The following URB1 variants were observed in gnomAD, a reference collection of about 807,000 sequenced individuals.
The protein encoded by URB1 is URB1 ribosome biogenesis factor.
Under a neutral mutation model 242.3 loss-of-function variants are expected in URB1, and 197 were observed. That is an observed-to-expected ratio of 0.81 (90% CI 0.72 to 0.91). The LOEUF (loss-of-function observed/expected upper bound fraction) is 0.91. Among genes scored for constraint, URB1 ranks in the 40% least tolerant of loss-of-function variants. The pLI, the probability that URB1 is intolerant of heterozygous loss-of-function variation, is 0.00. For missense variants in URB1, 2,721 were observed against 2,860.5 expected (o/e 0.95, Z 1.11); for synonymous variants, 1,153 against 1,201.8 (o/e 0.96, Z 0.84).
Position 32,344,586 on chromosome 21 carries a change from C to T in URB1, c.4241G>A (p.Arg1414Lys), listed in dbSNP as rs1298071436. ...GACACTTACCAACAACGCATTTAAT[C>T]TAAGCAGCATTTCCTTCTCCTGATT... ...TQNQEKEMLL[R>K]LNALLHALNE... Residue 1414 changes from arginine to lysine, a missense_variant, in exon 24 of 39, where the codon AGA (arginine) becomes AAA (lysine). Physicochemically the swap from Arg to Lys is conservative, Grantham distance 26. Transcript: ENST00000382751. The T allele has an allele frequency of 1.3e-6, 2 of 1,552,162 alleles. No homozygotes were observed. Among genetic ancestry groups the T allele is most frequent in the Non-Finnish European group, 8.7e-7 (1 of 1,147,118 alleles).
chr21:32,377,314 A>T, intron 5 of URB1: 1 of 509,886 alleles, frequency 2.0e-6, no homozygotes, highest in Non-Finnish European at 3.9e-6. Context: ...CATAAATCCA[A>T]ACCCATGCAT....
intron 38 of URB1, 130 bp downstream of exon 38, chr21:32,316,336 C>A (rs2032684759): frequency 2.2e-6 from 3 of 1,385,438 alleles, no homozygotes; most frequent in African/African-American, 2.9e-5. Flanking sequence ...AAGGGGCCAC[C>A]TAAACAAGCA....
At chr21:32,383,659 C>A in intron 3 of URB1, 105 bp from the exon 4 acceptor site, 2 of 1,235,806 alleles carry the variant, frequency 1.6e-6, no homozygotes, top group Non-Finnish European at 1.0e-6. Flanking sequence ...TTGCTATCCC[C>A]AAACCAGAAA....
chr21:32,315,789 C>T (rs2032673094), intron 38 of URB1, among the ~76,000 whole-genome samples: 1 of 152,288 alleles, frequency 6.6e-6, no homozygotes, highest in South Asian at 2.1e-4. Flanking sequence ...AGGCTCAATT[C>T]CCCAACTGCG....
intron 8 of URB1, among the ~76,000 whole-genome samples, chr21:32,368,923 C>T (rs1014748586): frequency 1.3e-5 from 2 of 152,176 alleles, no homozygotes; most frequent in South Asian, 2.1e-4. Context: ...CTACCTCAGC[C>T]ACCTACCAGT....
rs948187052 is a variant in URB1, at chr21:32,345,333, C to T, written c.4070+41G>A. 1.4e-5 allele frequency: 21 copies of T among 1,534,298 alleles called. 1 individual carries two copies. The Admixed American group carries it at 2.8e-4, about 20-fold the overall frequency. ...TCTATGAATTAAAAAAAAAATGACA[C>T]CGAGAGTGGAACATCCTGCAACCAA... On this transcript the variant is annotated intron_variant, in intron 23 of 38. Coordinates refer to ENST00000382751, the MANE Select transcript of URB1 (RefSeq NM_014825.3).
chr21:32,337,700 T>A (rs1190983767), intron 26 of URB1, among the ~76,000 whole-genome samples, 186 bp from the exon 27 acceptor site: 3 of 151,786 alleles, frequency 2.0e-5, no homozygotes, highest in East Asian at 1.9e-4. Context: ...TTCTTTTCTT[T>A]TTTTCTTTTT....
chr21:32,347,534 G>T lies in URB1; in HGVS notation c.3290C>A (p.Ser1097Ter). The change falls in exon 22 of 39, where the codon TCA (serine) becomes TAA (stop). Residue 1097 changes from serine to a stop codon, truncating the protein, a stop_gained. Transcript: ENST00000382751. LOFTEE classifies it high-confidence loss of function. Reference sequence around the variant, plus strand: ...CAGCTGCGGCGGGGTCTTTGGTGGTGATGTGGCCGGGCCCGCCCTCCTGTT... The same window carrying T: ...CAGCTGCGGCGGGGTCTTTGGTGGTTATGTGGCCGGGCCCGCCCTCCTGTT... ...LQNRRAGPAT[S>*]PPKTPPQLEA... 2 of 1,551,346 alleles carry T rather than the reference G, an allele frequency of 1.3e-6. No homozygotes were observed. The highest frequency in any genetic ancestry group is 8.7e-7 in the Non-Finnish European group (1 of 1,146,814).
At chr21:32,342,546 G>A (rs2033041805) in intron 24 of URB1, among the ~76,000 whole-genome samples, 1 of 152,032 alleles carries the variant, frequency 6.6e-6, no homozygotes. Context: ...GCTATTCATA[G>A]GCGCAATCCC....
rs764017420 is a variant in URB1, at chr21:32,317,712, C to T, written c.5998G>A (p.Ala2000Thr). 8 of 1,551,808 alleles carry T rather than the reference C, an allele frequency of 5.2e-6. No homozygotes were observed. The highest frequency in any genetic ancestry group is 7.0e-6 in the Non-Finnish European group (8 of 1,147,026). ...CGGGCTTGGGCCTTCTCAATGGCTG[C>T]TCTCAGGTCTTCCTGGAGCTTGAGG... ...RDLKLQEDLR[A>T]AIEKAQAREL... The change falls in exon 37 of 39, where the codon GCA (alanine) becomes ACA (threonine). Residue 2000 changes from alanine to threonine, a missense_variant. Transcript: ENST00000382751.
intron 25 of URB1, 86 bp from the exon 26 acceptor site, chr21:32,338,986 AT>A: frequency 7.7e-7 from 1 of 1,292,456 alleles, no homozygotes; most frequent in Non-Finnish European, 1.0e-6. Context: ...TTTTCTCAGT[AT>A]TTTATTTATT....
At chr21:32,378,329 C>G in intron 5 of URB1, 116 bp downstream of exon 5, 1 of 883,778 alleles carries the variant, frequency 1.1e-6, no homozygotes, top group East Asian at 2.7e-5. Flanking sequence ...ATCCTTCAAT[C>G]TGGTGTACAC....
intron 1 of URB1, among the ~76,000 whole-genome samples, chr21:32,391,183 C>T (rs1234398833): frequency 7.2e-6 from 1 of 138,376 alleles, no homozygotes; most frequent in Non-Finnish European, 1.5e-5. Flanking sequence ...CACATGGACA[C>T]AGGAAGGGGA....
At chr21:32,330,095 T>C (rs2032875676) in intron 30 of URB1, among the ~76,000 whole-genome samples, 1 of 152,176 alleles carries the variant, frequency 6.6e-6, no homozygotes, top group South Asian at 2.1e-4. Context: ...TGTGCTTCCT[T>C]TCAGCAGTCA....
intron 30 of URB1, among the ~76,000 whole-genome samples, chr21:32,330,555 A>G (rs1254075556): frequency 1.3e-5 from 2 of 152,052 alleles, no homozygotes; most frequent in Non-Finnish European, 2.9e-5. Flanking sequence ...TTGCTATTAA[A>G]CTTTTTCCAA....
intron 19 of URB1, among the ~76,000 whole-genome samples, chr21:32,351,989 G>A (rs1424460856): frequency 3.3e-5 from 5 of 152,110 alleles, no homozygotes; most frequent in African/African-American, 9.7e-5. Flanking sequence ...AGGATTAAAC[G>A]GCCAAAAATA....
chr21:32,375,327 TA>T, intron 6 of URB1, 70 bp downstream of exon 6: 2 of 1,017,218 alleles, frequency 2.0e-6, no homozygotes, highest in Non-Finnish European at 2.8e-6. Flanking sequence ...TACAGTCCTG[TA>T]AAACACCGGA....
chr21:32,357,287 C>T (rs1196237288), intron 15 of URB1, among the ~76,000 whole-genome samples: 1 of 149,416 alleles, frequency 6.7e-6, no homozygotes, highest in East Asian at 1.9e-4. Context: ...TAGTATTGAG[C>T]CTACAACAAG....
At position 32,372,592 on chromosome 21, in the gene URB1, G is replaced by C. The variant is rs1461465672; in HGVS notation, c.916C>G (p.Leu306Val). 2.0e-5 allele frequency: 31 copies of C among 1,551,022 alleles called. No homozygotes were observed. The highest frequency in any genetic ancestry group is 2.6e-5 in the Non-Finnish European group (30 of 1,146,870). Residue 306 changes from leucine (L) to valine (V), a missense_variant, in exon 8 of 39, where the codon CTT becomes GTT. By Grantham distance (32) the Leu-to-Val change is conservative (BLOSUM62 1). Transcript: ENST00000382751. Reference protein sequence around the residue: ...EEAGKTMVRELVHNFLMDLCC... With the variant: ...EEAGKTMVREVVHNFLMDLCC... ...AGATCCATCAGGAAGTTATGAACAA[G>C]CTCCCGCACCATGGTTTTCCCTGCT...
Sources: allele counts gnomAD v4.1 joint callset (sites outside exome capture counted in the v4.1 genomes callset), GRCh38; gene constraint gnomAD v4.1.1; transcripts MANE v1.5; gene names NCBI Gene and HGNC (gene_info 2026-07-23, HGNC 2026-07-21).